The following CYP2C8 variants were observed in gnomAD, a reference collection of about 807,000 sequenced individuals.
The protein encoded by CYP2C8 is cytochrome P450 family 2 subfamily C member 8.
In CYP2C8, 51 loss-of-function variants were observed where a neutral mutation model predicts 41.3. The ratio of observed to expected loss-of-function variants is 1.24; its 90% CI spans 0.99 to 1.56. The LOEUF is 1.56. CYP2C8 is among the 40% of genes most tolerant of loss of function. The probability of loss-of-function intolerance (pLI) is 0.00; values close to 1 mark genes in which losing one functional copy is unlikely to be tolerated. For missense variants in CYP2C8, 651 were observed against 579.9 expected, an observed-to-expected ratio of 1.12 and a Z score of -1.26; for synonymous variants, 218 against 205.8, an observed-to-expected ratio of 1.06 and a Z score of -0.51.
rs2033590768 is a variant in CYP2C8 at position 95,067,307 on chromosome 10, G to A, written c.382C>T (p.Leu128Phe). The A allele has an allele frequency of 6.2e-7, 1 of 1,614,032 alleles. No homozygotes were observed. ...KRWKEIRRFSLTTLRNFGMGK... is the reference protein window; with the variant it reads ...KRWKEIRRFSFTTLRNFGMGK... ...ATCCCAAAATTCCGCAAGGTTGTGA[G>A]GGAGAAACGCCGGATCTCCTTCCAT... The change falls in exon 3 of 9, where the codon CTC becomes TTC. Residue 128 changes from leucine to phenylalanine, a missense_variant. Transcript: ENST00000371270.
At chr10:95,044,919 C>G (rs11572160) in intron 6 of CYP2C8, among the ~76,000 whole-genome samples, 372 of 152,330 alleles carry the variant, frequency 2.4e-3, no homozygotes, top group African/African-American at 8.7e-3. Context: ...ACTCCATCCT[C>G]TATGCTGTGT....
rs373909362 is a variant in CYP2C8, at chr10:95,038,884, G to A, written c.1291+13C>T. The A allele has an allele frequency of 7.4e-6, 12 of 1,612,888 alleles. No homozygotes were observed. The highest frequency in any genetic ancestry group is 2.7e-5 in the African/African-American group (2 of 74,876). On this transcript the variant is annotated intron_variant, in intron 8 of 8. Transcript: ENST00000371270. ...CTTTCCTTTAAATACAAATGGAAACGAGTTTCTATTACCTGCTGAGAAAGG... is the reference window on the plus strand; with the variant it reads ...CTTTCCTTTAAATACAAATGGAAACAAGTTTCTATTACCTGCTGAGAAAGG...
intron 4 of CYP2C8, among the ~76,000 whole-genome samples, chr10:95,063,465 C>T (rs181132924): frequency 1.3e-3 from 192 of 152,334 alleles, no homozygotes; most frequent in African/African-American, 4.3e-3. Flanking sequence ...TCACGTAGTT[C>T]TCCTGCCATG....
chr10:95,063,134 A>G (rs10882524), intron 4 of CYP2C8, among the ~76,000 whole-genome samples: 97,296 of 151,896 alleles, frequency 0.64, 31,862 homozygotes, highest in African/African-American at 0.76. Flanking sequence ...TGCTCTTCTC[A>G]AGGAGTATCT....
In CYP2C8 at chr10:95,038,990, C is replaced by A. The variant is rs181982392; in HGVS notation, c.1198G>T (p.Glu400Ter). ...TCAAAGATATTTGGATTAGGAAATT[C>A]TTTGTCATCATGTAGCACGGAAGTC... ...LLTSVLHDDK[E>*]FPNPNIFDPG... is the part of the protein sequence containing the mutation. The change falls in exon 8 of 9, where the codon GAA becomes TAA. Residue 400 changes from glutamate (E) to a stop codon, truncating the protein, a stop_gained. Coordinates refer to ENST00000371270, the MANE Select transcript of CYP2C8 (RefSeq NM_000770.3). LOFTEE classifies it high-confidence loss of function. The A allele has an allele frequency of 5.6e-6, 9 of 1,613,774 alleles. No homozygotes were observed. The East Asian group carries it at 6.7e-5, about 12-fold the overall frequency.
intron 5 of CYP2C8, 101 bp downstream of exon 5, chr10:95,058,234 C>G: frequency 1.3e-6 from 2 of 1,529,484 alleles, no homozygotes; most frequent in Non-Finnish European, 1.8e-6. Flanking sequence ...TCAAGCATTA[C>G]TGGCCTGATC....
At chr10:95,058,663 CTT>C in intron 4 of CYP2C8, 152 bp from the exon 5 acceptor site, 2 of 703,460 alleles carry the variant, frequency 2.8e-6, no homozygotes, top group Non-Finnish European at 4.6e-6. Context: ...TTTTATTACA[CTT>C]TAAGTTCTAG....
Position 95,064,851 on chromosome 10 carries a change from C to G in CYP2C8, c.591G>C (p.Leu197=), listed in dbSNP as rs2033524296. 2 of 1,613,768 alleles carry G rather than the reference C, an allele frequency of 1.2e-6. No homozygotes were observed. The highest frequency in any genetic ancestry group is 2.7e-5 in the African/African-American group (2 of 74,854). ...FDYKDQNFLT[L]MKRFNENFRI... is the part of the protein sequence containing the mutation. ...TGAAGTTTTCATTGAATCTTTTCAT[C>G]AGGGTGAGAAAATTCTGATCTTTAT... is the stretch of plus-strand genomic sequence containing the variant. The change falls in exon 4 of 9, where the codon CTG becomes CTC. Residue 197 remains leucine, a synonymous_variant. Transcript: ENST00000371270.
At chr10:95,063,591 C>G (rs185923649) in intron 4 of CYP2C8, among the ~76,000 whole-genome samples, 18 of 152,290 alleles carry the variant, frequency 1.2e-4, no homozygotes, top group African/African-American at 4.3e-4. Context: ...TGAGCTTCCT[C>G]CTTTAGGTTG....
intron 7 of CYP2C8, among the ~76,000 whole-genome samples, chr10:95,041,905 C>G (rs993444095): frequency 6.6e-6 from 1 of 151,914 alleles, no homozygotes; most frequent in Non-Finnish European, 1.5e-5. Context: ...GGAGTCTGAT[C>G]ACTTGGAATG....
At chr10:95,055,809 G>A (rs911215717) in intron 5 of CYP2C8, among the ~76,000 whole-genome samples, 2 of 152,078 alleles carry the variant, frequency 1.3e-5, no homozygotes, top group East Asian at 1.9e-4. Flanking sequence ...TAAGCAAAGG[G>A]CCAGGTGTGG....
At chr10:95,041,040 G>A in intron 7 of CYP2C8, 1 of 453,530 alleles carries the variant, frequency 2.2e-6, no homozygotes, top group Non-Finnish European at 4.4e-6. Flanking sequence ...ATAAGTAACA[G>A]AACAAATCCA....
intron 4 of CYP2C8, among the ~76,000 whole-genome samples, 181 bp from the exon 5 acceptor site, chr10:95,058,692 G>C (rs944767516): frequency 6.6e-6 from 1 of 152,046 alleles, no homozygotes; most frequent in Admixed American, 6.6e-5. Context: ...TGTGCACAAA[G>C]TGCAGGTTTG....
At chr10:95,059,911 C>T (rs1382350109) in intron 4 of CYP2C8, among the ~76,000 whole-genome samples, 2 of 152,152 alleles carry the variant, frequency 1.3e-5, no homozygotes, top group Non-Finnish European at 2.9e-5. Context: ...ATCCTTTCCC[C>T]ATTTCTTGTT....
At chr10:95,045,258 C>T (rs1192903018) in intron 6 of CYP2C8, among the ~76,000 whole-genome samples, 1 of 152,186 alleles carries the variant, frequency 6.6e-6, no homozygotes, top group Non-Finnish European at 1.5e-5. Flanking sequence ...ATGAAACACA[C>T]TCCTAGAATA....
chr10:95,058,617 C>A, intron 4 of CYP2C8, 106 bp from the exon 5 acceptor site: 2 of 1,063,936 alleles, frequency 1.9e-6, no homozygotes, highest in Non-Finnish European at 2.7e-6. Flanking sequence ...GACATCATGT[C>A]CATTTTGAAG....
At position 95,045,860 on chromosome 10, in the gene CYP2C8, G is replaced by T; in HGVS notation, c.911C>A (p.Thr304Asn). 6.2e-7 allele frequency: 1 copy of T among 1,614,028 alleles called. No individual in the cohort carries two copies. The highest frequency in any genetic ancestry group is 8.5e-7 in the Non-Finnish European group (1 of 1,179,922). Residue 304 changes from threonine (T) to asparagine (N), a missense_variant, in exon 6 of 9, where the codon ACC becomes AAC. Transcript: ENST00000371270. ...GAGCAGGAGTCCATATCTCAGAGTG[G>T]TGCTTGTTGTCTCTGTTCCAGCAAC... Reference protein sequence around the residue: ...LFVAGTETTSTTLRYGLLLLL... With the variant: ...LFVAGTETTSNTLRYGLLLLL...
At chr10:95,062,867 G>A (rs1489002884) in intron 4 of CYP2C8, among the ~76,000 whole-genome samples, 1 of 152,148 alleles carries the variant, frequency 6.6e-6, no homozygotes. Context: ...TTGCTTGTAT[G>A]TAAAGGATTT....
chr10:95,064,855 G>A lies in CYP2C8; in HGVS notation c.587C>T (p.Thr196Ile), dbSNP rs1224419655. ...RFDYKDQNFL[T>I]LMKRFNENFR... is the part of the protein sequence containing the mutation. ...GTTTTCATTGAATCTTTTCATCAGGGTGAGAAAATTCTGATCTTTATAATC... is the reference window on the plus strand; with the variant it reads ...GTTTTCATTGAATCTTTTCATCAGGATGAGAAAATTCTGATCTTTATAATC... Residue 196 changes from threonine to isoleucine, a missense_variant, in exon 4 of 9, where the codon ACC becomes ATC. By Grantham distance (89) the Thr-to-Ile change is moderately conservative. Transcript: ENST00000371270. 5 of 1,613,822 alleles carry A rather than the reference G, an allele frequency of 3.1e-6. No homozygotes were observed. In the African/African-American group the frequency reaches 4.0e-5, roughly 13 times the overall value.
Sources: gnomAD v4.1 joint callset for allele counts (sites outside exome capture counted in the v4.1 genomes callset) on GRCh38, gnomAD v4.1.1 for gene constraint, MANE v1.5 for transcripts, NCBI Gene and HGNC (gene_info 2026-07-23, HGNC 2026-07-21) for gene names.